TES: variants seen among roughly 807,000 people sequenced by gnomAD.
The protein encoded by TES is testin LIM domain protein, also known as testin.
Under a neutral mutation model 48.2 loss-of-function variants are expected in TES, and 41 were observed. The ratio of observed to expected loss-of-function variants is 0.85; its 90% CI spans 0.66 to 1.10. The LOEUF is 1.10. Among genes scored for constraint, TES ranks in the 50% least tolerant of loss-of-function variants. TES has a pLI of 0.00. For synonymous variants in TES, 162 were observed against 174.9 expected (o/e 0.93, Z 0.58); for missense variants, 463 against 515.1 (o/e 0.90, Z 0.98).
At chr7:116,246,189 A>G (rs1398408734) in intron 2 of TES, among the ~76,000 whole-genome samples, 1 of 152,082 alleles carries the variant, frequency 6.6e-6, no homozygotes, top group Non-Finnish European at 1.5e-5. Context: ...CTTTCTTTTC[A>G]TCTCCACTGT....
At chr7:116,223,812 T>C (rs1381756572) in intron 1 of TES, among the ~76,000 whole-genome samples, 1 of 152,180 alleles carries the variant, frequency 6.6e-6, no homozygotes, top group African/African-American at 2.4e-5. Flanking sequence ...ATACCCCTGT[T>C]CCCCTTTATA....
rs766153310 is a variant in TES at position 116,250,269 on chromosome 7, C to T, written c.475C>T (p.Gln159Ter). The T allele has an allele frequency of 6.2e-7, 1 of 1,613,276 alleles. No individual in the cohort carries two copies. Among genetic ancestry groups the T allele is most frequent in the South Asian group, 1.1e-5 (1 of 90,850 alleles). Residue 159 changes from glutamine (Q) to a stop codon, truncating the protein, a stop_gained, in exon 4 of 7, where the codon CAG becomes TAG. Transcript: ENST00000358204. LOFTEE classifies it high-confidence loss of function. ...QLAKQLPAHD[Q>*]DPSKCHELSP... ...GGCAAAGCAGCTCCCTGCACATGACCAGGACCCTTCAAAGTGCCATGAGTT... is the reference window on the plus strand; with the variant it reads ...GGCAAAGCAGCTCCCTGCACATGACTAGGACCCTTCAAAGTGCCATGAGTT...
chr7:116,239,330 A>G (rs1799813670), intron 2 of TES: 1 of 152,342 alleles, frequency 6.6e-6, no homozygotes, highest in African/African-American at 2.4e-5. Flanking sequence ...CCCATTTGCC[A>G]TATAAAAGTA....
intron 1 of TES, among the ~76,000 whole-genome samples, chr7:116,225,537 A>G (rs566331073): frequency 1.3e-5 from 2 of 152,338 alleles, no homozygotes; most frequent in East Asian, 3.9e-4. Flanking sequence ...CTAACATAAT[A>G]GTCTATGTGA....
At chr7:116,241,204 T>G (rs1225143143) in intron 2 of TES, among the ~76,000 whole-genome samples, 1 of 152,226 alleles carries the variant, frequency 6.6e-6, no homozygotes, top group African/African-American at 2.4e-5. Context: ...CAAATGACTT[T>G]GAAAGTTTTT....
chr7:116,219,208 G>A (rs969304095), intron 1 of TES, among the ~76,000 whole-genome samples: 3 of 152,092 alleles, frequency 2.0e-5, no homozygotes, highest in African/African-American at 4.8e-5. Flanking sequence ...TGAACCAAAG[G>A]TACCTGGCTG....
chr7:116,218,774 A>T (rs544526628), intron 1 of TES, among the ~76,000 whole-genome samples: 2 of 152,280 alleles, frequency 1.3e-5, no homozygotes, highest in African/African-American at 4.8e-5. Context: ...ATAGAATGAC[A>T]TAAGTGCTAT....
At chr7:116,231,562 C>T (rs1027464729) in intron 1 of TES, among the ~76,000 whole-genome samples, 3 of 152,092 alleles carry the variant, frequency 2.0e-5, no homozygotes, top group African/African-American at 4.8e-5. Context: ...AGGTGGGGGG[C>T]GGTCCTTCCA....
intron 1 of TES, among the ~76,000 whole-genome samples, chr7:116,232,922 G>C (rs796769055): frequency 1.1e-4 from 17 of 152,332 alleles, no homozygotes; most frequent in African/African-American, 4.1e-4. Context: ...GTGTGGACCA[G>C]TTGGGTTTGA....
intron 1 of TES, 74 bp from the exon 2 acceptor site, chr7:116,234,460 A>G (rs1482860735): frequency 7.5e-7 from 1 of 1,341,564 alleles, no homozygotes; most frequent in East Asian, 2.3e-5. Context: ...AAGTGGAATT[A>G]AAAGTGCAAT....
intron 1 of TES, among the ~76,000 whole-genome samples, chr7:116,212,118 AC>A (rs1291717128): frequency 6.6e-6 from 1 of 152,162 alleles, no homozygotes; most frequent in Admixed American, 6.6e-5. Context: ...GTTGATGAAT[AC>A]TACTCTCATT....
rs1469229841 is a variant in TES, at chr7:116,239,699, G to T, written c.113+5080G>T. ...GTGGACAAAGGTGTACTTTTACTGTGAGCTCTCTCCTTTTTCAGTGTGCCC... is the reference window on the plus strand; with the variant it reads ...GTGGACAAAGGTGTACTTTTACTGTTAGCTCTCTCCTTTTTCAGTGTGCCC... On this transcript the variant is annotated intron_variant, in intron 2 of 6. Coordinates refer to ENST00000358204, the MANE Select transcript of TES (RefSeq NM_015641.4). 3.3e-5 allele frequency among the ~76,000 whole-genome samples: 5 copies of T among 152,184 alleles called. 1 individual carries two copies. In the South Asian group the frequency reaches 8.3e-4, roughly 25 times the overall value.
chr7:116,248,088 T>C (rs1266236844), intron 2 of TES, among the ~76,000 whole-genome samples: 2 of 152,254 alleles, frequency 1.3e-5, no homozygotes, highest in Non-Finnish European at 2.9e-5. Context: ...CTTTCCTGTA[T>C]TAATTCACTT....
At chr7:116,232,559 T>C (rs1584617252) in intron 1 of TES, among the ~76,000 whole-genome samples, 1 of 141,934 alleles carries the variant, frequency 7.0e-6, no homozygotes, top group South Asian at 2.3e-4. Flanking sequence ...AAAAGAAAAC[T>C]TTTTTGGATT....
intron 1 of TES, among the ~76,000 whole-genome samples, chr7:116,226,721 C>T (rs574908870): frequency 2.0e-5 from 3 of 152,272 alleles, no homozygotes; most frequent in East Asian, 1.9e-4. Context: ...CATGAACACT[C>T]GAGTGCAGAT....
At chr7:116,211,351 A>G (rs1799436631) in intron 1 of TES, 1 of 152,164 alleles carries the variant, frequency 6.6e-6, no homozygotes, top group Admixed American at 6.5e-5. Context: ...ATTATCTGTC[A>G]AAGAGCGCAT....
At chr7:116,219,642 A>T (rs952646236) in intron 1 of TES, among the ~76,000 whole-genome samples, 9 of 152,250 alleles carry the variant, frequency 5.9e-5, no homozygotes, top group African/African-American at 2.2e-4. Flanking sequence ...AGTCAAGGAG[A>T]GAAGTCCAGT....
At chr7:116,210,833 C>CCA in intron 1 of TES, 99 bp downstream of exon 1, 1 of 1,091,904 alleles carries the variant, frequency 9.2e-7, no homozygotes, top group Non-Finnish European at 1.2e-6. Flanking sequence ...CTCGCGGGCC[C>CCA]CCCGGTGTGA....
intron 1 of TES, chr7:116,223,007 A>G (rs943654007): frequency 9.8e-5 from 97 of 984,810 alleles, no homozygotes; most frequent in Non-Finnish European, 1.2e-4. Context: ...AGTAGAGTCC[A>G]CAGAAGAGGT....
Sources: allele counts gnomAD v4.1 joint callset (sites outside exome capture counted in the v4.1 genomes callset), GRCh38; gene constraint gnomAD v4.1.1; transcripts MANE v1.5; gene names NCBI Gene and HGNC (gene_info 2026-07-23, HGNC 2026-07-21).